Variants in CELF4 observed in about 807,000 individuals in gnomAD.
CELF4 encodes the protein CUG-BP- and ETR-3-like factor 4.
A neutral mutation model predicts 59.9 loss-of-function variants in CELF4; 18 were observed. The observed-to-expected ratio is 0.30, with a 90% CI of 0.21 to 0.45. The LOEUF (loss-of-function observed/expected upper bound fraction) is 0.45. CELF4 is among the 20% of genes least tolerant of loss of function. The probability of loss-of-function intolerance (pLI) is 1.00; values close to 1 mark genes in which losing one functional copy is unlikely to be tolerated. For synonymous variants in CELF4, 261 were observed against 267.1 expected, an observed-to-expected ratio of 0.98 and a Z score of 0.22; for missense variants, 456 against 689.0, an observed-to-expected ratio of 0.66 and a Z score of 3.79.
chr18:37,385,609 A>G (rs1483433514), intron 2 of CELF4, among the ~76,000 whole-genome samples: 2 of 152,014 alleles, frequency 1.3e-5, no homozygotes, highest in East Asian at 1.9e-4. Flanking sequence ...CCTCTTGCCT[A>G]CTGGCTTTAT....
At chr18:37,411,507 C>T (rs1335729692) in intron 2 of CELF4, among the ~76,000 whole-genome samples, 5 of 152,158 alleles carry the variant, frequency 3.3e-5, no homozygotes, top group Admixed American at 6.5e-5. Context: ...CAAACCATCT[C>T]CAGGAGGTGA....
At chr18:37,271,496 T>C (rs1031716526) in intron 7 of CELF4, among the ~76,000 whole-genome samples, 1 of 152,116 alleles carries the variant, frequency 6.6e-6, no homozygotes, top group Non-Finnish European at 1.5e-5. Flanking sequence ...CCTCAAGTGA[T>C]CCACCCGCCT....
chr18:37,359,100 A>AAAAAC (rs1045803112), intron 2 of CELF4, among the ~76,000 whole-genome samples: 9 of 150,762 alleles, frequency 6.0e-5, no homozygotes, highest in African/African-American at 9.7e-5. Flanking sequence ...TGTCTCCAAA[A>AAAAAC]AAAACAAAAC....
At chr18:37,471,146 G>A (rs186120591) in intron 2 of CELF4, among the ~76,000 whole-genome samples, 50 of 152,130 alleles carry the variant, frequency 3.3e-4, no homozygotes, top group Admixed American at 7.2e-4. Context: ...CCACCAGCAG[G>A]ACTTGCCCGA....
chr18:37,461,902 G>A (rs1313534527), intron 2 of CELF4, among the ~76,000 whole-genome samples: 3 of 152,242 alleles, frequency 2.0e-5, no homozygotes, highest in African/African-American at 7.2e-5. Context: ...AGCTGCGTAT[G>A]TCTGACTGTT....
chr18:37,347,923 C>CGA (rs1346624225), intron 2 of CELF4, among the ~76,000 whole-genome samples: 2 of 152,138 alleles, frequency 1.3e-5, no homozygotes, highest in East Asian at 1.9e-4. Flanking sequence ...TTTTCTTCTT[C>CGA]GAGAGAGATA....
At chr18:37,565,013 G>A (rs888429381) in intron 1 of CELF4, among the ~76,000 whole-genome samples, 2 of 151,888 alleles carry the variant, frequency 1.3e-5, no homozygotes, top group Non-Finnish European at 2.9e-5. Flanking sequence ...CAGCGTCCTG[G>A]GCTCGACCGG....
chr18:37,335,263 G>C (rs1242597654), intron 2 of CELF4, among the ~76,000 whole-genome samples: 1 of 152,100 alleles, frequency 6.6e-6, no homozygotes. Context: ...AGGGTCTCCA[G>C]GTCACGGGCA....
At chr18:37,512,133 TG>T (rs1001508618) in intron 1 of CELF4, among the ~76,000 whole-genome samples, 1 of 152,130 alleles carries the variant, frequency 6.6e-6, no homozygotes, top group African/African-American at 2.4e-5. Context: ...CAGGGACAGT[TG>T]GGGGGCAGGG....
chr18:37,394,998 C>T (rs1287515736), intron 2 of CELF4, among the ~76,000 whole-genome samples: 3 of 145,010 alleles, frequency 2.1e-5, no homozygotes, highest in African/African-American at 7.6e-5. Flanking sequence ...AAGTCTGCCA[C>T]CCACCCCTGC....
At chr18:37,506,733 C>T (rs921436833) in intron 1 of CELF4, among the ~76,000 whole-genome samples, 18 of 152,336 alleles carry the variant, frequency 1.2e-4, no homozygotes, top group Non-Finnish European at 2.1e-4. Context: ...ATCAGCCCAA[C>T]GGCAGCAGCG....
intron 2 of CELF4, among the ~76,000 whole-genome samples, chr18:37,383,023 CATGTATGT>C (rs72091493): frequency 0.36 from 54,703 of 150,240 alleles, 10,527 homozygotes; most frequent in Admixed American, 0.43. Context: ...ATAGTACATA[CATGTATGT>C]ATGTATGTAT....
At chr18:37,426,731 G>C (rs2099615446) in intron 2 of CELF4, among the ~76,000 whole-genome samples, 1 of 152,168 alleles carries the variant, frequency 6.6e-6, no homozygotes, top group Non-Finnish European at 1.5e-5. Context: ...AGTCTCATTA[G>C]AACACGTGGA....
chr18:37,521,040 C>G (rs1224443595), intron 1 of CELF4, among the ~76,000 whole-genome samples: 2 of 146,044 alleles, frequency 1.4e-5, no homozygotes, highest in Non-Finnish European at 3.0e-5. Flanking sequence ...GCCCAGACAG[C>G]CTAGGGGATG....
chr18:37,407,227 ACT>A (rs1317842666), intron 2 of CELF4, among the ~76,000 whole-genome samples: 2 of 151,816 alleles, frequency 1.3e-5, no homozygotes, highest in Non-Finnish European at 2.9e-5. Context: ...CACACGGGAA[ACT>A]CTCCGAAAAC....
At chr18:37,271,427 G>T (rs1009235600) in intron 7 of CELF4, among the ~76,000 whole-genome samples, 1 of 151,938 alleles carries the variant, frequency 6.6e-6, no homozygotes, top group Admixed American at 6.6e-5. Context: ...GCTAATTTTT[G>T]TATTTTTTAG....
chr18:37,369,400 C>A lies in CELF4; in HGVS notation c.370-47519G>T, dbSNP rs79000525. Among the ~76,000 whole-genome samples, 107 of 152,230 alleles carry A rather than the reference C, an allele frequency of 7.0e-4. 2 individuals carry two copies. In the East Asian group the frequency reaches 0.016, roughly 23 times the overall value. ...TTGGCTCTCTGGGTCTTTGGAGGAACCTATGAGTGGCTCTGGGGACCAAAT... is the reference window on the plus strand; with the variant it reads ...TTGGCTCTCTGGGTCTTTGGAGGAAACTATGAGTGGCTCTGGGGACCAAAT... On this transcript the variant is annotated intron_variant, in intron 2 of 12. Coordinates refer to ENST00000420428, the MANE Select transcript of CELF4 (RefSeq NM_020180.4).
chr18:37,538,922 C>T (rs1240489511), intron 1 of CELF4, among the ~76,000 whole-genome samples: 1 of 152,180 alleles, frequency 6.6e-6, no homozygotes, highest in Non-Finnish European at 1.5e-5. Context: ...GGCACCTCCT[C>T]ACCCCAGCAC....
intron 3 of CELF4, among the ~76,000 whole-genome samples, chr18:37,280,554 G>T (rs892559441): frequency 2.0e-5 from 3 of 152,236 alleles, no homozygotes; most frequent in Non-Finnish European, 4.4e-5. Context: ...AAGGCCAGAA[G>T]AGGCTAGAAG....
Sources: allele counts gnomAD v4.1 joint callset (sites outside exome capture counted in the v4.1 genomes callset), GRCh38; gene constraint gnomAD v4.1.1; transcripts MANE v1.5; gene names NCBI Gene and HGNC (gene_info 2026-07-23, HGNC 2026-07-21).